The following CPNE4 variants were observed in gnomAD, a reference collection of about 807,000 sequenced individuals.
CPNE4 encodes the protein copine-4.
CPNE4 carries 25 observed loss-of-function variants against 67.9 expected under a neutral mutation model. The ratio of observed to expected loss-of-function variants is 0.37; its 90% CI spans 0.27 to 0.51. The LOEUF (loss-of-function observed/expected upper bound fraction) is 0.51, where lower values mean the gene tolerates loss of function less well. Ranked by LOEUF, CPNE4 falls within the 20% of genes least tolerant of loss-of-function variation. The pLI, the probability that CPNE4 is intolerant of heterozygous loss-of-function variation, is 0.93. For missense variants in CPNE4, 464 were observed against 690.8 expected (o/e 0.67, Z 3.68); for synonymous variants, 242 against 244.9 (o/e 0.99, Z 0.11).
intron 2 of CPNE4, among the ~76,000 whole-genome samples, chr3:131,746,022 A>T (rs1432298307): frequency 2.6e-5 from 4 of 152,088 alleles, no homozygotes; most frequent in Non-Finnish European, 5.9e-5. Context: ...CGAACATGGC[A>T]TGTGTCTCTA....
At chr3:131,848,800 T>C (rs1001776775) in intron 2 of CPNE4, among the ~76,000 whole-genome samples, 6 of 151,788 alleles carry the variant, frequency 4.0e-5, no homozygotes, top group Non-Finnish European at 7.4e-5. Flanking sequence ...AGAGCGTCAA[T>C]TGCTTCTAAA....
intron 2 of CPNE4, among the ~76,000 whole-genome samples, chr3:131,837,828 T>C (rs2085617230): frequency 1.3e-5 from 2 of 152,022 alleles, no homozygotes; most frequent in African/African-American, 4.8e-5. Context: ...TATATGATGT[T>C]CTCTTGGGGG....
intron 1 of CPNE4, among the ~76,000 whole-genome samples, chr3:132,032,083 C>A (rs1399106001): frequency 3.3e-5 from 5 of 152,128 alleles, no homozygotes; most frequent in African/African-American, 1.2e-4. Flanking sequence ...TTAAGACAAA[C>A]CAATAATTCA....
intron 2 of CPNE4, among the ~76,000 whole-genome samples, chr3:131,893,131 G>A (rs1309725010): frequency 6.6e-6 from 1 of 151,818 alleles, no homozygotes; most frequent in Non-Finnish European, 1.5e-5. Context: ...AAAAATGAAG[G>A]GATGAAAAAA....
chr3:131,802,924 T>G (rs371511812), intron 2 of CPNE4, among the ~76,000 whole-genome samples: 183 of 152,298 alleles, frequency 1.2e-3, no homozygotes, highest in African/African-American at 4.2e-3. Flanking sequence ...CTTCCCTAAA[T>G]TGGCACTTTA....
rs34269107 is a variant in CPNE4 at position 131,728,899 on chromosome 3, CAAAA to C, written c.181-5278_181-5275del. On this transcript the variant is annotated intron_variant, in intron 2 of 15. Transcript: ENST00000429747. Reference sequence around the variant, plus strand: ...CACTCCAGCCTGGGCAACAGAGCCTCAAAAAAAAAAAAAAAAAAAAAAAAATTGG... The same window carrying C: ...CACTCCAGCCTGGGCAACAGAGCCTCAAAAAAAAAAAAAAAAAAAAATTGG... Among the ~76,000 whole-genome samples, 191 of 89,964 alleles carry C rather than the reference CAAAA, an allele frequency of 2.1e-3. 1 individual carries two copies. The highest frequency in any genetic ancestry group is 4.7e-3 in the African/African-American group (101 of 21,382). 59.0% of individuals were successfully genotyped at this position (89,964 alleles called of 152,430 possible).
intron 1 of CPNE4, among the ~76,000 whole-genome samples, chr3:131,962,387 T>C (rs1459397895): frequency 6.6e-6 from 1 of 152,186 alleles, no homozygotes; most frequent in Non-Finnish European, 1.5e-5. Context: ...CACTCAGTAT[T>C]TGAACTTCTC....
intron 2 of CPNE4, among the ~76,000 whole-genome samples, chr3:131,808,697 A>G (rs1317966328): frequency 6.6e-6 from 1 of 152,242 alleles, no homozygotes; most frequent in Admixed American, 6.5e-5. Context: ...AAAAAGCAGT[A>G]AAGAAACATT....
In CPNE4 at chr3:131,851,090, T is replaced by C. The variant is rs1342581760; in HGVS notation, c.180+54174A>G. On this transcript the variant is annotated intron_variant, in intron 2 of 15. Coordinates refer to ENST00000429747, the MANE Select transcript of CPNE4 (RefSeq NM_130808.3). ...GGGAATGTACTGAAAAAATGTGCAT[T>C]GCATCATAGCATTTATATGATATTT... Among the ~76,000 whole-genome samples the C allele has an allele frequency of 2.7e-5, 3 of 110,340 alleles. No individual in the cohort carries two copies. The East Asian group carries it at 7.4e-4, about 27-fold the overall frequency. 72.4% of individuals were successfully genotyped at this position (110,340 alleles called of 152,430 possible). A position where few individuals can be genotyped will look rare whatever the true frequency, so the allele number is the denominator to read the frequency against.
chr3:131,613,603 C>G (rs957514446), intron 7 of CPNE4, among the ~76,000 whole-genome samples: 1 of 152,176 alleles, frequency 6.6e-6, no homozygotes, highest in African/African-American at 2.4e-5. Context: ...CCTTGGCAGG[C>G]AGGTATGTGC....
chr3:131,896,196 ATATT>A (rs1246603998), intron 2 of CPNE4, among the ~76,000 whole-genome samples: 1 of 152,070 alleles, frequency 6.6e-6, no homozygotes, highest in Non-Finnish European at 1.5e-5. Context: ...TGTATGTGAA[ATATT>A]ATACAATCAT....
At chr3:131,547,125 C>T (rs1935892786) in intron 14 of CPNE4, among the ~76,000 whole-genome samples, 1 of 152,118 alleles carries the variant, frequency 6.6e-6, no homozygotes, top group Middle Eastern at 3.4e-3. Context: ...GCAGGGCCCA[C>T]GCACTGGTGG....
chr3:131,577,322 A>G (rs1937576207), intron 9 of CPNE4, among the ~76,000 whole-genome samples: 1 of 152,136 alleles, frequency 6.6e-6, no homozygotes, highest in Middle Eastern at 3.2e-3. Flanking sequence ...CATATATACA[A>G]TCATGTGTCA....
intron 4 of CPNE4, among the ~76,000 whole-genome samples, chr3:131,697,418 C>A (rs141461267): frequency 4.5e-4 from 69 of 152,304 alleles, no homozygotes; most frequent in Non-Finnish European, 7.2e-4. Context: ...ATACGCTTAT[C>A]AAATTGCTTA....
chr3:131,654,940 A>G (rs545802898), intron 7 of CPNE4, among the ~76,000 whole-genome samples: 1 of 152,232 alleles, frequency 6.6e-6, no homozygotes, highest in Non-Finnish European at 1.5e-5. Context: ...TTAATTTAAG[A>G]AGCAACTATT....
intron 2 of CPNE4, among the ~76,000 whole-genome samples, chr3:131,761,686 T>G (rs2082894992): frequency 6.6e-6 from 1 of 152,126 alleles, no homozygotes. Context: ...TACAATTCTG[T>G]GCTATTGCTG....
chr3:131,818,148 A>G (rs1335025711), intron 2 of CPNE4, among the ~76,000 whole-genome samples: 1 of 152,198 alleles, frequency 6.6e-6, no homozygotes, highest in African/African-American at 2.4e-5. Flanking sequence ...GTGTCAAGAA[A>G]TTGGTTTTTT....
chr3:131,653,433 C>T (rs1054413810), intron 7 of CPNE4, among the ~76,000 whole-genome samples: 2 of 152,126 alleles, frequency 1.3e-5, no homozygotes, highest in African/African-American at 4.8e-5. Context: ...CAGGCGTGAG[C>T]CACCGCGCCT....
intron 2 of CPNE4, among the ~76,000 whole-genome samples, chr3:131,837,581 G>T (rs1181430213): frequency 6.6e-6 from 1 of 151,922 alleles, no homozygotes; most frequent in Non-Finnish European, 1.5e-5. Flanking sequence ...TTTTTTTGGG[G>T]GGTGAGTGAT....
Sources: gnomAD v4.1 joint callset for allele counts (sites outside exome capture counted in the v4.1 genomes callset) on GRCh38, gnomAD v4.1.1 for gene constraint, MANE v1.5 for transcripts, NCBI Gene and HGNC (gene_info 2026-07-23, HGNC 2026-07-21) for gene names.